The following SNX31 variants were observed in gnomAD, a reference collection of about 807,000 sequenced individuals.
SNX31 encodes the protein sorting nexin 31, also known as sorting nexin-31.
SNX31 carries 58 observed loss-of-function variants against 65.4 expected under a neutral mutation model. The ratio of observed to expected loss-of-function variants is 0.89; its 90% CI spans 0.72 to 1.10. SNX31 has a LOEUF of 1.10. SNX31 is among the 50% of genes least tolerant of loss of function. The probability of loss-of-function intolerance (pLI) is 0.00; values close to 1 mark genes in which losing one functional copy is unlikely to be tolerated. For missense variants in SNX31, 523 were observed against 529.7 expected (o/e 0.99, Z 0.12); for synonymous variants, 181 against 190.1 (o/e 0.95, Z 0.39).
At chr8:100,640,491 G>A (rs1819091200) in intron 2 of SNX31, among the ~76,000 whole-genome samples, 1 of 152,180 alleles carries the variant, frequency 6.6e-6, no homozygotes, top group Non-Finnish European at 1.5e-5. Context: ...CTCAGTGTGG[G>A]CTGCATGTAG....
Position 100,649,610 on chromosome 8 carries a change from C to T in SNX31, c.-96G>A. The T allele has an allele frequency of 8.0e-7, 1 of 1,253,716 alleles. No individual in the cohort carries two copies. The highest frequency in any genetic ancestry group is 1.1e-6 in the Non-Finnish European group (1 of 897,174). 77.7% of individuals were successfully genotyped at this position (1,253,716 alleles called of 1,614,324 possible). On this transcript the variant is annotated 5_prime_UTR_variant, in exon 1 of 14. Transcript: ENST00000311812. ...TCGGCAGCGGTGGACGCAGCGCGGCCTGCCACGCGACTCAGAGCGAACCCC... is the reference window on the plus strand; with the variant it reads ...TCGGCAGCGGTGGACGCAGCGCGGCTTGCCACGCGACTCAGAGCGAACCCC...
intron 1 of SNX31, among the ~76,000 whole-genome samples, chr8:100,659,675 C>G (rs1309672218): frequency 6.6e-6 from 1 of 151,918 alleles, no homozygotes; most frequent in African/African-American, 2.4e-5. Flanking sequence ...CACAGATAAA[C>G]CAAAAGAAGA....
At position 100,584,101 on chromosome 8, in the gene SNX31, G is replaced by C. The variant is rs755176108; in HGVS notation, c.1170+10C>G. The C allele has an allele frequency of 6.2e-7, 1 of 1,600,956 alleles. No individual in the cohort carries two copies. The highest frequency in any genetic ancestry group is 1.7e-5 in the Admixed American group (1 of 57,628). On this transcript the variant is annotated intron_variant, in intron 12 of 13. Transcript: ENST00000311812. ...TAAAGTGAAAAATAGACACAGATAAGAGCACTCACCATTTCTGTATTCTCA... is the reference window on the plus strand; with the variant it reads ...TAAAGTGAAAAATAGACACAGATAACAGCACTCACCATTTCTGTATTCTCA...
At chr8:100,584,561 C>A (rs193009818) in intron 11 of SNX31, among the ~76,000 whole-genome samples, 1 of 151,984 alleles carries the variant, frequency 6.6e-6, no homozygotes, top group African/African-American at 2.4e-5. Flanking sequence ...ATGAGATGAA[C>A]TGATGATGGT....
intron 12 of SNX31, among the ~76,000 whole-genome samples, chr8:100,577,835 G>T (rs74505112): frequency 2.0e-5 from 3 of 152,168 alleles, no homozygotes; most frequent in East Asian, 1.9e-4. Context: ...GACCCAGCAG[G>T]TTCCAACATG....
At chr8:100,621,198 C>T (rs1222444238) in intron 4 of SNX31, among the ~76,000 whole-genome samples, 1 of 152,104 alleles carries the variant, frequency 6.6e-6, no homozygotes, top group Non-Finnish European at 1.5e-5. Flanking sequence ...TAGTTGGTGG[C>T]AGAGGCAAAA....
chr8:100,649,241 G>A, intron 2 of SNX31, 33 bp downstream of exon 2: 1 of 1,607,588 alleles, frequency 6.2e-7, no homozygotes, highest in Non-Finnish European at 8.5e-7. Flanking sequence ...CTGTCTCAGT[G>A]GATGGGCTCG....
At chr8:100,634,666 T>G (rs1263565046) in intron 3 of SNX31, among the ~76,000 whole-genome samples, 1 of 151,870 alleles carries the variant, frequency 6.6e-6, no homozygotes, top group Non-Finnish European at 1.5e-5. Flanking sequence ...GGAGAATTGC[T>G]TGAACCTGGT....
chr8:100,587,111 C>T (rs1350419432), intron 11 of SNX31, among the ~76,000 whole-genome samples: 5 of 152,140 alleles, frequency 3.3e-5, no homozygotes, highest in Non-Finnish European at 7.4e-5. Context: ...GGCAATGGTT[C>T]ATGCTTACTC....
chr8:100,579,539 G>A (rs921327619), intron 12 of SNX31, among the ~76,000 whole-genome samples: 2 of 152,016 alleles, frequency 1.3e-5, no homozygotes, highest in Non-Finnish European at 2.9e-5. Flanking sequence ...TTTCTATATT[G>A]GACCAGCTCT....
intron 4 of SNX31, among the ~76,000 whole-genome samples, chr8:100,624,128 A>G (rs1817889784): frequency 6.6e-6 from 1 of 152,142 alleles, no homozygotes; most frequent in Non-Finnish European, 1.5e-5. Flanking sequence ...CCTCACATCC[A>G]TCACAGTCAG....
At chr8:100,635,246 T>A (rs115590013) in intron 3 of SNX31, among the ~76,000 whole-genome samples, 3,069 of 113,320 alleles carry the variant, frequency 0.027, 121 homozygotes, top group African/African-American at 0.099. Flanking sequence ...TTATTTATTT[T>A]TATCTTTTTT....
chr8:100,662,698 AAAAAATAAAAT>A (rs1159444504), intron 1 of SNX31, among the ~76,000 whole-genome samples: 7 of 152,304 alleles, frequency 4.6e-5, no homozygotes, highest in African/African-American at 1.2e-4. Context: ...CTCCGTCTCA[AAAAAATAAAAT>A]AAAAATAAAT....
At position 100,576,811 on chromosome 8, in the gene SNX31, T is replaced by A. The variant is rs1417092288; in HGVS notation, c.1227+208A>T. On this transcript the variant is annotated intron_variant, in intron 13 of 13. Coordinates refer to ENST00000311812, the MANE Select transcript of SNX31 (RefSeq NM_152628.4). This position sits in a 1 kb window ranked among gnomAD's most constrained non-coding sequence, Gnocchi z 4.8. ...GTGTTTCTCTTGGAAATTTTCTATG[T>A]AAAAATTCTTGGTAGTGCTATGGGG... 6.6e-6 allele frequency among the ~76,000 whole-genome samples: 1 copy of A among 152,132 alleles called. No homozygotes were observed. The highest frequency in any genetic ancestry group is 2.4e-5 in the African/African-American group (1 of 41,416).
intron 8 of SNX31, among the ~76,000 whole-genome samples, chr8:100,607,999 A>G (rs1236620883): frequency 6.6e-6 from 1 of 152,172 alleles, no homozygotes; most frequent in Non-Finnish European, 1.5e-5. Context: ...TGCTAGAGTG[A>G]GATTTAAGGA....
chr8:100,596,918 C>T, intron 9 of SNX31, 76 bp from the exon 10 acceptor site: 1 of 1,261,412 alleles, frequency 7.9e-7, no homozygotes, highest in South Asian at 1.2e-5. Flanking sequence ...ATGAAAACCT[C>T]ATGTCAGAAG....
chr8:100,576,942 T>G lies in SNX31; in HGVS notation c.1227+77A>C. 1 of 1,183,150 alleles carries G rather than the reference T, an allele frequency of 8.5e-7. No homozygotes were observed. Among genetic ancestry groups the G allele is most frequent in the South Asian group, 1.4e-5 (1 of 72,738 alleles). 73.3% of individuals were successfully genotyped at this position (1,183,150 alleles called of 1,614,324 possible). ...TTCTGACTTATTATTGAAAGTGAGA[T>G]GACTTTGGTTAAAGAGGAAAAAAGA... On this transcript the variant is annotated intron_variant, in intron 13 of 13. Transcript: ENST00000311812. This position sits in a 1 kb window ranked among gnomAD's most constrained non-coding sequence, Gnocchi z 4.8.
At chr8:100,586,627 A>C (rs1236052615) in intron 11 of SNX31, among the ~76,000 whole-genome samples, 1 of 152,224 alleles carries the variant, frequency 6.6e-6, no homozygotes, top group Non-Finnish European at 1.5e-5. Context: ...AAACCAGTCT[A>C]CTATTTCCCC....
chr8:100,621,134 A>G (rs1817657771), intron 4 of SNX31, among the ~76,000 whole-genome samples: 1 of 152,096 alleles, frequency 6.6e-6, no homozygotes, highest in South Asian at 2.1e-4. Context: ...ACAGAGCAAG[A>G]CTCCATCTCA....
Sources: allele counts gnomAD v4.1 joint callset (sites outside exome capture counted in the v4.1 genomes callset), GRCh38; gene constraint gnomAD v4.1.1; non-coding constraint Gnocchi (gnomAD v3.1); transcripts MANE v1.5; gene names NCBI Gene and HGNC (gene_info 2026-07-23, HGNC 2026-07-21).